ITGBL1: variants seen among roughly 807,000 people sequenced by gnomAD.
The protein encoded by ITGBL1 is integrin subunit beta like 1, also known as integrin beta-like protein 1.
ITGBL1 carries 51 observed loss-of-function variants against 68.5 expected under a neutral mutation model. That is an observed-to-expected ratio of 0.74 (90% CI 0.59 to 0.94). The LOEUF is 0.94. Ranked by LOEUF, ITGBL1 falls within the 40% of genes least tolerant of loss-of-function variation. The pLI, the probability that ITGBL1 is intolerant of heterozygous loss-of-function variation, is 0.00. For missense variants in ITGBL1, 649 were observed against 647.4 expected (o/e 1.00, Z -0.03); for synonymous variants, 209 against 227.3 (o/e 0.92, Z 0.72).
intron 7 of ITGBL1, among the ~76,000 whole-genome samples, chr13:101,622,364 C>T (rs1475777269): frequency 2.0e-5 from 3 of 152,072 alleles, no homozygotes; most frequent in Non-Finnish European, 4.4e-5. Flanking sequence ...TTCCTATTTC[C>T]ATCAATACCA....
In ITGBL1 at chr13:101,701,197, AT is replaced by A. The variant is rs534471229; in HGVS notation, c.1133-5558del. 4.3e-3 allele frequency among the ~76,000 whole-genome samples: 651 copies of A among 152,344 alleles called. 1 individual carries two copies. The highest frequency in any genetic ancestry group is 0.015 in the African/African-American group (613 of 41,584). On this transcript the variant is annotated intron_variant, in intron 8 of 10. Coordinates refer to ENST00000376180, the MANE Select transcript of ITGBL1 (RefSeq NM_004791.3). ...GTATTTTGATGATTGGCTGAGCTAG[AT>A]ACCAACTTAACTTCGTGGAAGGATA...
At chr13:101,625,358 G>A (rs981548934) in intron 7 of ITGBL1, among the ~76,000 whole-genome samples, 9 of 152,112 alleles carry the variant, frequency 5.9e-5, no homozygotes, top group Non-Finnish European at 8.8e-5. Flanking sequence ...TTAAGCCTTC[G>A]TATGTCTTTG....
intron 4 of ITGBL1, among the ~76,000 whole-genome samples, chr13:101,579,062 C>CG (rs1256446435): frequency 2.0e-5 from 3 of 152,158 alleles, no homozygotes. Flanking sequence ...AGTTCCCTGT[C>CG]TAGGCCAAGT....
intron 2 of ITGBL1, among the ~76,000 whole-genome samples, chr13:101,501,970 G>A (rs1319241214): frequency 6.6e-6 from 1 of 152,050 alleles, no homozygotes; most frequent in African/African-American, 2.4e-5. Context: ...TTTCCCCAGA[G>A]GCTTCCCTCT....
intron 2 of ITGBL1, among the ~76,000 whole-genome samples, chr13:101,554,051 G>A (rs2049965588): frequency 6.6e-6 from 1 of 152,124 alleles, no homozygotes; most frequent in African/African-American, 2.4e-5. Flanking sequence ...TGGGATTACA[G>A]GCATGAGCCC....
intron 2 of ITGBL1, among the ~76,000 whole-genome samples, chr13:101,531,615 GA>G (rs68038187): frequency 0.24 from 27,800 of 115,164 alleles, 4,013 homozygotes; most frequent in East Asian, 0.47. Context: ...TTTTTGGGGG[GA>G]GGGGATTTAC....
At chr13:101,547,028 A>G (rs997931332) in intron 2 of ITGBL1, among the ~76,000 whole-genome samples, 78 of 152,022 alleles carry the variant, frequency 5.1e-4, no homozygotes, top group African/African-American at 1.9e-3. Context: ...ATTGATTACT[A>G]AAAATATCTC....
intron 2 of ITGBL1, among the ~76,000 whole-genome samples, chr13:101,462,104 G>A (rs1234488797): frequency 1.3e-4 from 20 of 152,024 alleles, no homozygotes; most frequent in Admixed American, 1.3e-3. Flanking sequence ...GCTACTTTCG[G>A]GTCCTTACAA....
chr13:101,641,748 T>C (rs1399323345), intron 7 of ITGBL1, among the ~76,000 whole-genome samples: 6 of 137,522 alleles, frequency 4.4e-5, no homozygotes, highest in Non-Finnish European at 9.3e-5. Context: ...GAGTGTGATG[T>C]TCCCCTTCCT....
At chr13:101,581,279 C>G (rs568550982) in intron 5 of ITGBL1, among the ~76,000 whole-genome samples, 5 of 152,146 alleles carry the variant, frequency 3.3e-5, no homozygotes, top group African/African-American at 9.7e-5. Context: ...TGCATAGCTC[C>G]TAGTCCCTGT....
At chr13:101,453,294 T>G (rs1248864708) in intron 1 of ITGBL1, among the ~76,000 whole-genome samples, 1 of 152,174 alleles carries the variant, frequency 6.6e-6, no homozygotes, top group African/African-American at 2.4e-5. Flanking sequence ...TGTGTTACAT[T>G]TTGTATCATC....
intron 2 of ITGBL1, among the ~76,000 whole-genome samples, chr13:101,464,631 A>G (rs2048359370): frequency 6.6e-6 from 1 of 152,098 alleles, no homozygotes; most frequent in Admixed American, 6.6e-5. Context: ...TATATTTGGT[A>G]TATGTATATA....
At chr13:101,452,994 T>C in intron 1 of ITGBL1, 63 bp downstream of exon 1, 1 of 1,368,768 alleles carries the variant, frequency 7.3e-7, no homozygotes, top group Non-Finnish European at 1.0e-6. Flanking sequence ...GGCTCAAGCT[T>C]GCAGGATGGC....
intron 8 of ITGBL1, among the ~76,000 whole-genome samples, chr13:101,706,520 T>C (rs1205971601): frequency 6.6e-6 from 1 of 152,228 alleles, no homozygotes; most frequent in Non-Finnish European, 1.5e-5. Flanking sequence ...TTTAAAATTA[T>C]TGCAAGATTT....
intron 8 of ITGBL1, 97 bp from the exon 9 acceptor site, chr13:101,706,659 A>T (rs2034270141): frequency 1.6e-6 from 2 of 1,250,010 alleles, no homozygotes; most frequent in South Asian, 3.1e-5. Context: ...TGGATGGGAA[A>T]TGAGATCCTA....
At chr13:101,581,629 G>T (rs150981331) in intron 5 of ITGBL1, among the ~76,000 whole-genome samples, 313 of 152,178 alleles carry the variant, frequency 2.1e-3, no homozygotes, top group African/African-American at 6.5e-3. Flanking sequence ...TTATTACTTA[G>T]TGATTGCTAG....
chr13:101,569,420 T>C (rs183758257), intron 3 of ITGBL1, among the ~76,000 whole-genome samples: 1 of 152,282 alleles, frequency 6.6e-6, no homozygotes, highest in African/African-American at 2.4e-5. Context: ...TAAAACATAT[T>C]TGATACAATG....
intron 2 of ITGBL1, among the ~76,000 whole-genome samples, chr13:101,517,409 C>T (rs372678758): frequency 1.4e-3 from 209 of 152,228 alleles, no homozygotes; most frequent in Non-Finnish European, 2.4e-3. Context: ...TGTGACTGCA[C>T]GTTACGCTCA....
chr13:101,622,373 C>A lies in ITGBL1; in HGVS notation c.1015+24074C>A, dbSNP rs549696981. ...TAATCATTCCTATTTCCATCAATAC[C>A]AATTCAGTCTAGGTTCTTGCTTTTG... On this transcript the variant is annotated intron_variant, in intron 7 of 10. Coordinates refer to ENST00000376180, the MANE Select transcript of ITGBL1 (RefSeq NM_004791.3). 2.0e-5 allele frequency among the ~76,000 whole-genome samples: 3 copies of A among 152,180 alleles called. No homozygotes were observed. The South Asian group carries it at 6.2e-4, about 32-fold the overall frequency.
Sources: gnomAD v4.1 joint callset for allele counts (sites outside exome capture counted in the v4.1 genomes callset) on GRCh38, gnomAD v4.1.1 for gene constraint, MANE v1.5 for transcripts, NCBI Gene and HGNC (gene_info 2026-07-23, HGNC 2026-07-21) for gene names.